RSPRY1: variants seen among roughly 807,000 people sequenced by gnomAD.
RSPRY1 encodes ring finger and SPRY domain containing 1.
Under a neutral mutation model 73.1 loss-of-function variants are expected in RSPRY1, and 23 were observed. That is an observed-to-expected ratio of 0.31 (90% confidence interval 0.23 to 0.45). The LOEUF is 0.45. RSPRY1 is among the 20% of genes least tolerant of loss of function. RSPRY1 has a pLI of 1.00. For synonymous variants in RSPRY1, 226 were observed against 251.4 expected, an observed-to-expected ratio of 0.90 and a Z score of 0.95; for missense variants, 448 against 698.7, an observed-to-expected ratio of 0.64 and a Z score of 4.05.
At position 57,221,274 on chromosome 16, in the gene RSPRY1, T is replaced by A. The variant is rs1036082640; in HGVS notation, c.1020T>A (p.Ala340=). The A allele has an allele frequency of 1.2e-6, 2 of 1,613,912 alleles. No homozygotes were observed. The highest frequency in any genetic ancestry group is 1.7e-6 in the Non-Finnish European group (2 of 1,179,984). The part of the protein sequence containing the change: ...YLKISPHGLE[A]RCDASSFESV... Reference sequence around the variant, plus strand: ...GACACATTTTTTGGTTTTGCCAGGCTCGCTGTGATGCCTCCTCTTTTGAAA... The same window carrying A: ...GACACATTTTTTGGTTTTGCCAGGCACGCTGTGATGCCTCCTCTTTTGAAA... Residue 340 remains alanine (A), a splice_region_variant and synonymous_variant, in exon 10 of 15, where the codon GCT becomes GCA. Transcript: ENST00000394420.
chr16:57,212,123 G>A (rs1171807446), intron 4 of RSPRY1, among the ~76,000 whole-genome samples: 1 of 152,092 alleles, frequency 6.6e-6, no homozygotes, highest in African/African-American at 2.4e-5. Flanking sequence ...ACCAGCCTGG[G>A]CAACATAATG....
chr16:57,200,457 G>T (rs1405509339), intron 1 of RSPRY1, among the ~76,000 whole-genome samples: 2 of 151,278 alleles, frequency 1.3e-5, no homozygotes, highest in Non-Finnish European at 3.0e-5. Flanking sequence ...GGGCAGAGGG[G>T]CTCCTCACTT....
chr16:57,208,401 T>TATATATA (rs1491130630), intron 3 of RSPRY1, among the ~76,000 whole-genome samples: 4 of 36,628 alleles, frequency 1.1e-4, no homozygotes, highest in African/African-American at 3.5e-4. Context: ...TATATATATA[T>TATATATA]TTTTTTTTTT....
At chr16:57,222,176 A>C (rs1431448785) in intron 10 of RSPRY1, among the ~76,000 whole-genome samples, 1 of 152,204 alleles carries the variant, frequency 6.6e-6, no homozygotes. Flanking sequence ...CCCCTCCAAT[A>C]TGTAAGATCC....
intron 14 of RSPRY1, among the ~76,000 whole-genome samples, chr16:57,237,409 T>A (rs112406373): frequency 1.3e-5 from 2 of 152,034 alleles, no homozygotes; most frequent in African/African-American, 2.4e-5. Context: ...TCCGAAAAGT[T>A]CTGGGATTAC....
At chr16:57,208,363 G>T (rs2146264211) in intron 3 of RSPRY1, among the ~76,000 whole-genome samples, 1 of 127,774 alleles carries the variant, frequency 7.8e-6, no homozygotes, top group African/African-American at 3.0e-5. Flanking sequence ...TTCTGGAATG[G>T]AGAGGAGATT....
At chr16:57,194,648 G>A (rs1244672199) in intron 1 of RSPRY1, among the ~76,000 whole-genome samples, 1 of 152,168 alleles carries the variant, frequency 6.6e-6, no homozygotes, top group African/African-American at 2.4e-5. Flanking sequence ...TAGTAATTTA[G>A]TGCCCAAAGT....
chr16:57,210,910 C>G (rs1159398176), intron 4 of RSPRY1, among the ~76,000 whole-genome samples: 3 of 150,720 alleles, frequency 2.0e-5, no homozygotes, highest in Non-Finnish European at 4.4e-5. Context: ...CCCAGCTGCT[C>G]AGGAGGCTGA....
rs138529826 is a variant in RSPRY1, at chr16:57,205,184, T to G, written c.350+176T>G. 4.1e-3 allele frequency: 2,373 copies of G among 582,998 alleles called. 8 individuals carry two copies. Among genetic ancestry groups the G allele is most frequent in the Non-Finnish European group, 5.7e-3 (1,887 of 328,688 alleles). 36.1% of individuals were successfully genotyped at this position (582,998 alleles called of 1,614,324 possible). A position where few individuals can be genotyped will look rare whatever the true frequency, so the allele number is the denominator to read the frequency against. On this transcript the variant is annotated intron_variant, in intron 2 of 14. Transcript: ENST00000394420. ...CAGAGTAAATGATAAGATTTGATGT[T>G]TTTGCTTGCTGTCATCTACTTTGTC... is the stretch of plus-strand genomic sequence containing the variant.
At chr16:57,192,866 G>T (rs190262629) in intron 1 of RSPRY1, among the ~76,000 whole-genome samples, 133 of 152,006 alleles carry the variant, frequency 8.7e-4, no homozygotes, top group Middle Eastern at 6.8e-3. Flanking sequence ...TAGGGTCCAA[G>T]CCGCCACTCT....
At chr16:57,200,112 C>T (rs372571451) in intron 1 of RSPRY1, among the ~76,000 whole-genome samples, 19 of 147,844 alleles carry the variant, frequency 1.3e-4, no homozygotes, top group African/African-American at 2.3e-4. Context: ...TGACTCTTAA[C>T]GAGCATGCTG....
chr16:57,186,165 G>T, upstream of RSPRY1: 1 of 985,748 alleles, frequency 1.0e-6, no homozygotes, highest in Non-Finnish European at 1.2e-6. Context: ...CACGCCTCAG[G>T]ATGAGGACTG....
chr16:57,192,054 T>C (rs2074360068), intron 1 of RSPRY1, among the ~76,000 whole-genome samples: 1 of 152,220 alleles, frequency 6.6e-6, no homozygotes, highest in African/African-American at 2.4e-5. Context: ...ATGGTAAATA[T>C]TTTGGAGAGA....
At chr16:57,235,354 C>T (rs1024836199) in intron 14 of RSPRY1, 126 bp downstream of exon 14, 31 of 659,314 alleles carry the variant, frequency 4.7e-5, no homozygotes, top group Non-Finnish European at 6.8e-5. Flanking sequence ...TAGAACCTGG[C>T]TGTCTTCCAG....
chr16:57,201,597 C>G (rs1377164523), intron 1 of RSPRY1, among the ~76,000 whole-genome samples: 3 of 152,222 alleles, frequency 2.0e-5, no homozygotes, highest in Non-Finnish European at 4.4e-5. Context: ...TTTGGGGGGC[C>G]AAGGCAGGCA....
rs201419602 is a variant in RSPRY1 at position 57,218,735 on chromosome 16, T to C, written c.901+1700T>C. On this transcript the variant is annotated intron_variant, in intron 8 of 14. Transcript: ENST00000394420. Reference sequence around the variant, plus strand: ...GCCACATTTTCTTTTTTTTTTTTTTTTTTTTTTTTTTTTTTTTTGAGACGG... The same window carrying C: ...GCCACATTTTCTTTTTTTTTTTTTTCTTTTTTTTTTTTTTTTTTGAGACGG... Among the ~76,000 whole-genome samples the C allele has an allele frequency of 4.9e-4, 51 of 103,386 alleles. No individual in the cohort carries two copies. In the East Asian group the frequency reaches 9.9e-3, roughly 20 times the overall value. 67.8% of individuals were successfully genotyped at this position (103,386 alleles called of 152,430 possible). A position where few individuals can be genotyped will look rare whatever the true frequency, so the allele number is the denominator to read the frequency against.
intron 1 of RSPRY1, among the ~76,000 whole-genome samples, chr16:57,188,204 T>C (rs1367449682): frequency 2.0e-5 from 3 of 152,266 alleles, no homozygotes; most frequent in Admixed American, 1.3e-4. Context: ...ATGTGGACTT[T>C]GCATTTCCTG....
Position 57,222,194 on chromosome 16 carries a change from G to A in RSPRY1, c.1161+779G>A, listed in dbSNP as rs79394528. Among the ~76,000 whole-genome samples the A allele has an allele frequency of 4.5e-3, 687 of 152,202 alleles. 4 individuals carry two copies. The highest frequency in any genetic ancestry group is 0.016 in the African/African-American group (650 of 41,536). ...CTCCAATATGTAAGATCCTGGAATG[G>A]GTTTTAGAAGTGATCCAACAAAATC... On this transcript the variant is annotated intron_variant, in intron 10 of 14. Coordinates refer to ENST00000394420, the MANE Select transcript of RSPRY1 (RefSeq NM_133368.3).
intron 14 of RSPRY1, among the ~76,000 whole-genome samples, chr16:57,237,363 G>A (rs2075315286): frequency 1.3e-5 from 2 of 151,830 alleles, no homozygotes; most frequent in Admixed American, 6.6e-5. Flanking sequence ...AGGCTGGCTC[G>A]AACTCCTGAC....
Sources: gnomAD v4.1 joint callset for allele counts (sites outside exome capture counted in the v4.1 genomes callset) on GRCh38, gnomAD v4.1.1 for gene constraint, MANE v1.5 for transcripts, NCBI Gene and HGNC (gene_info 2026-07-23, HGNC 2026-07-21) for gene names.